Variants in CACNA2D4 observed in about 807,000 individuals in gnomAD.
The protein encoded by CACNA2D4 is voltage-dependent calcium channel subunit alpha-2/delta-4.
A neutral mutation model predicts 163.8 loss-of-function variants in CACNA2D4; 157 were observed. The ratio of observed to expected loss-of-function variants is 0.96; its 90% CI spans 0.84 to 1.09. The LOEUF is 1.09. Among genes scored for constraint, CACNA2D4 ranks in the 50% least tolerant of loss-of-function variants. CACNA2D4 has a pLI of 0.00. For missense variants in CACNA2D4, 1,410 were observed against 1,479.9 expected (o/e 0.95, Z 0.78); for synonymous variants, 598 against 586.9 (o/e 1.02, Z -0.27).
At chr12:1,845,603 C>A (rs985104448) in intron 24 of CACNA2D4, among the ~76,000 whole-genome samples, 1 of 152,112 alleles carries the variant, frequency 6.6e-6, no homozygotes, top group Non-Finnish European at 1.5e-5. Flanking sequence ...GGGCCCTGGG[C>A]TGCTCTCCAG....
In CACNA2D4 at chr12:1,865,237, G is replaced by C. The variant is rs186880531; in HGVS notation, c.1879-5031C>G. Among the ~76,000 whole-genome samples, 488 of 152,330 alleles carry C rather than the reference G, an allele frequency of 3.2e-3. 2 individuals are homozygous for C. The highest frequency in any genetic ancestry group is 0.011 in the African/African-American group (447 of 41,570). Reference sequence around the variant, plus strand: ...CTGTTGGAAATCTAGGCCTGGATCGGGGCACCGCGGAGCCTGATGGTCTCG... The same window carrying C: ...CTGTTGGAAATCTAGGCCTGGATCGCGGCACCGCGGAGCCTGATGGTCTCG... On this transcript the variant is annotated intron_variant, in intron 18 of 37. Transcript: ENST00000382722.
chr12:1,805,100 C>G (rs887093435), intron 29 of CACNA2D4, among the ~76,000 whole-genome samples: 2 of 152,194 alleles, frequency 1.3e-5, no homozygotes, highest in African/African-American at 2.4e-5. Flanking sequence ...CCCCAGCCCC[C>G]CTTTCATGGG....
chr12:1,842,077 G>C (rs992315903), intron 25 of CACNA2D4, among the ~76,000 whole-genome samples: 1 of 152,198 alleles, frequency 6.6e-6, no homozygotes, highest in Non-Finnish European at 1.5e-5. Flanking sequence ...GCCAGCAGAG[G>C]CTTGTAGGAA....
chr12:1,816,556 T>A (rs1863879266), intron 26 of CACNA2D4, among the ~76,000 whole-genome samples: 2 of 152,198 alleles, frequency 1.3e-5, no homozygotes, highest in Non-Finnish European at 2.9e-5. Context: ...ATTGATCTCG[T>A]GCCTTCCTCC....
chr12:1,870,921 T>C (rs1399923725), intron 18 of CACNA2D4, among the ~76,000 whole-genome samples: 3 of 152,092 alleles, frequency 2.0e-5, no homozygotes, highest in Admixed American at 1.3e-4. Context: ...AGAAAGACAG[T>C]GTAAGAGCAC....
rs558906483 is a variant in CACNA2D4 at position 1,856,315 on chromosome 12, G to T, written c.2009-86C>A. 9 of 1,443,154 alleles carry T rather than the reference G, an allele frequency of 6.2e-6. No individual in the cohort carries two copies. In the Admixed American group the frequency reaches 1.5e-4, roughly 24 times the overall value. The allele number at this position is 1,443,154 out of a possible 1,614,324, so 89.4% of individuals were successfully genotyped here. A position where few individuals can be genotyped will look rare whatever the true frequency, so the allele number is the denominator to read the frequency against. On this transcript the variant is annotated intron_variant, in intron 20 of 37. Transcript: ENST00000382722. ...AATTGTAGAAACAGCCACCCAGTGA[G>T]TTTCTAAAGAAAGGGACTGGGGTCT...
At chr12:1,839,822 A>G (rs1012041969) in intron 26 of CACNA2D4, among the ~76,000 whole-genome samples, 1 of 152,032 alleles carries the variant, frequency 6.6e-6, no homozygotes, top group African/African-American at 2.4e-5. Flanking sequence ...TGTTTGCTCT[A>G]TAAAGAGGCA....
At chr12:1,852,108 G>T (rs1223744101) in intron 23 of CACNA2D4, among the ~76,000 whole-genome samples, 1 of 152,022 alleles carries the variant, frequency 6.6e-6, no homozygotes, top group African/African-American at 2.4e-5. Flanking sequence ...CTCTCATTGG[G>T]TATAGTAATT....
chr12:1,893,799 T>C (rs1262971739), intron 6 of CACNA2D4, among the ~76,000 whole-genome samples: 1 of 152,034 alleles, frequency 6.6e-6, no homozygotes, highest in Admixed American at 6.6e-5. Context: ...AGTGCTTACA[T>C]CAAATAGTAG....
At chr12:1,839,343 G>C (rs766457653) in intron 26 of CACNA2D4, among the ~76,000 whole-genome samples, 12 of 152,234 alleles carry the variant, frequency 7.9e-5, no homozygotes, top group Non-Finnish European at 1.8e-4. Flanking sequence ...CAAGGGTAAG[G>C]AGCGCTTCAT....
chr12:1,801,686 T>G (rs994873933), intron 29 of CACNA2D4, 42 bp from the exon 30 acceptor site: 11 of 1,308,386 alleles, frequency 8.4e-6, no homozygotes, highest in Non-Finnish European at 1.2e-5. Flanking sequence ...GGGAGAGAGA[T>G]GGAGCAGGAT....
intron 34 of CACNA2D4, 148 bp from the exon 35 acceptor site, chr12:1,797,683 C>T: frequency 2.1e-6 from 1 of 479,514 alleles, no homozygotes; most frequent in Non-Finnish European, 4.0e-6. Flanking sequence ...TGGGAGGAGC[C>T]GGGCGGGGGG....
At chr12:1,913,903 A>T (rs1413715319) in intron 2 of CACNA2D4, among the ~76,000 whole-genome samples, 1 of 152,244 alleles carries the variant, frequency 6.6e-6, no homozygotes, top group East Asian at 1.9e-4. Context: ...CAGATTTTAC[A>T]GAATGTTTTT....
intron 29 of CACNA2D4, chr12:1,809,537 G>A: frequency 1.4e-6 from 1 of 702,982 alleles, no homozygotes; most frequent in Non-Finnish European, 2.6e-6. Context: ...CTTCAGGTTT[G>A]AATGGGCTTC....
intron 23 of CACNA2D4, among the ~76,000 whole-genome samples, chr12:1,848,599 T>G (rs2154448044): frequency 6.6e-6 from 1 of 152,354 alleles, no homozygotes; most frequent in African/African-American, 2.4e-5. Context: ...ACAACTTTTA[T>G]AGAAGAGGCA....
chr12:1,912,181 C>T (rs1866841082), intron 3 of CACNA2D4, among the ~76,000 whole-genome samples: 2 of 152,184 alleles, frequency 1.3e-5, no homozygotes. Context: ...CCTCAGCCTC[C>T]CAATCCAGCC....
intron 26 of CACNA2D4, chr12:1,831,278 G>GCACTCGCCGCTGCTCCGC: frequency 6.2e-7 from 1 of 1,613,696 alleles, no homozygotes. Flanking sequence ...ACCTGCTGCG[G>GCACTCGCCGCTGCTCCGC]CACTCGCCGC....
chr12:1,874,745 G>A lies in CACNA2D4; in HGVS notation c.1807-70C>T, dbSNP rs1236732986. On this transcript the variant is annotated intron_variant, in intron 17 of 37. Transcript: ENST00000382722. This position sits in a 1 kb window ranked among gnomAD's most constrained non-coding sequence, Gnocchi z 4.4. ...GATGGTGAAAGTATGGCATTCTTCA[G>A]ACCAGATTAGAGGTGATCCCCAGAA... is the stretch of plus-strand genomic sequence containing the variant. 8 of 1,112,902 alleles carry A rather than the reference G, an allele frequency of 7.2e-6. No individual in the cohort carries two copies. The highest frequency in any genetic ancestry group is 1.1e-5 in the Non-Finnish European group (8 of 728,598). The allele number at this position is 1,112,902 out of a possible 1,614,324, so 68.9% of individuals were successfully genotyped here.
At position 1,854,491 on chromosome 12, in the gene CACNA2D4, C is replaced by T. The variant is rs142121104; in HGVS notation, c.2153-447G>A. Among the ~76,000 whole-genome samples, 685 of 152,226 alleles carry T rather than the reference C, an allele frequency of 4.5e-3. 14 individuals carry two copies. The South Asian group carries it at 0.045, about 10-fold the overall frequency. On this transcript the variant is annotated intron_variant, in intron 22 of 37. Coordinates refer to ENST00000382722, the MANE Select transcript of CACNA2D4 (RefSeq NM_172364.5). ...CATGATCTTGGCTCACTTCAACCTCCGCCTCCCAGGTTTAAGCAATTCTCC... is the reference window on the plus strand; with the variant it reads ...CATGATCTTGGCTCACTTCAACCTCTGCCTCCCAGGTTTAAGCAATTCTCC...
Sources: allele counts gnomAD v4.1 joint callset (sites outside exome capture counted in the v4.1 genomes callset), GRCh38; gene constraint gnomAD v4.1.1; non-coding constraint Gnocchi (gnomAD v3.1); transcripts MANE v1.5; gene names NCBI Gene and HGNC (gene_info 2026-07-23, HGNC 2026-07-21).